Variants in PCED1B observed in about 807,000 individuals in gnomAD.
PCED1B encodes PC-esterase domain-containing protein 1B.
For missense variants in PCED1B, 573 were observed against 573.9 expected, an observed-to-expected ratio of 1.00 and a Z score of 0.02; for synonymous variants, 251 against 246.1, an observed-to-expected ratio of 1.02 and a Z score of -0.19.
Position 47,207,196 on chromosome 12 carries a change from T to C in PCED1B, c.-525-9026T>C, listed in dbSNP as rs147213698. ...AATGCACCAAGAAAATAAAGGACTT[T>C]AGCCTGAAGGTGACAGATGGAGGAC... is the stretch of plus-strand genomic sequence containing the variant. On this transcript the variant is annotated intron_variant, in intron 2 of 3. Transcript: ENST00000546455. 4.5e-4 allele frequency among the ~76,000 whole-genome samples: 69 copies of C among 152,342 alleles called. 1 individual carries two copies. Among genetic ancestry groups the C allele is most frequent in the African/African-American group, 1.5e-3 (63 of 41,592 alleles).
At chr12:47,234,841 C>T (rs1364953194) in intron 3 of PCED1B, among the ~76,000 whole-genome samples, 166 bp from the exon 4 acceptor site, 1 of 152,176 alleles carries the variant, frequency 6.6e-6, no homozygotes, top group Admixed American at 6.5e-5. Flanking sequence ...GCCAATCTCC[C>T]AGGTCCGGGC....
chr12:47,103,005 G>A (rs1250693304), intron 1 of PCED1B, among the ~76,000 whole-genome samples: 1 of 152,018 alleles, frequency 6.6e-6, no homozygotes, highest in Admixed American at 6.5e-5. Flanking sequence ...TGTCTTGTAT[G>A]CTCTCTTATG....
chr12:47,092,926 A>G (rs1042389767), intron 1 of PCED1B, among the ~76,000 whole-genome samples: 2 of 152,076 alleles, frequency 1.3e-5, no homozygotes, highest in East Asian at 1.9e-4. Context: ...AGTAATGTTT[A>G]TGAGAAAGAT....
intron 2 of PCED1B, among the ~76,000 whole-genome samples, chr12:47,104,450 A>G (rs1938856686): frequency 6.6e-6 from 1 of 152,218 alleles, no homozygotes; most frequent in South Asian, 2.1e-4. Context: ...TACTTACAAC[A>G]GTGTCTACCA....
chr12:47,236,257 G>A lies in PCED1B; in HGVS notation c.1194G>A (p.Arg398=), dbSNP rs1311353543. 8.7e-6 allele frequency: 14 copies of A among 1,614,136 alleles called. No homozygotes were observed. The highest frequency in any genetic ancestry group is 1.6e-4 in the Middle Eastern group (1 of 6,062). Reference sequence around the variant, plus strand: ...AGCGGCCTGCCCCAGTGGTACATAGGGGTTTTGGCAGGTATCGTCCCCGTG... The same window carrying A: ...AGCGGCCTGCCCCAGTGGTACATAGAGGTTTTGGCAGGTATCGTCCCCGTG... ...RYQRPAPVVH[R]GFGRYRPRGP... is the part of the protein sequence containing the mutation. Residue 398 remains arginine, a synonymous_variant, in exon 4 of 4, where the codon AGG becomes AGA. Coordinates refer to ENST00000546455, the MANE Select transcript of PCED1B (RefSeq NM_138371.3).
chr12:47,223,028 G>A (rs995940732), intron 3 of PCED1B, among the ~76,000 whole-genome samples: 3 of 152,126 alleles, frequency 2.0e-5, no homozygotes, highest in African/African-American at 7.2e-5. Flanking sequence ...GTGGACACAC[G>A]AGGATAAGAA....
chr12:47,136,103 C>G (rs1297560095), intron 2 of PCED1B, among the ~76,000 whole-genome samples: 7 of 22,600 alleles, frequency 3.1e-4, no homozygotes, highest in Non-Finnish European at 4.8e-4. Context: ...TTTTTTTTGG[C>G]CAATTTGATA....
chr12:47,092,831 C>T (rs1938324190), intron 1 of PCED1B, among the ~76,000 whole-genome samples: 1 of 111,750 alleles, frequency 8.9e-6, no homozygotes, highest in South Asian at 2.8e-4. Flanking sequence ...GAATGGTAAG[C>T]CACACTTGTA....
In PCED1B at chr12:47,236,379, T is replaced by C; in HGVS notation, c.*17T>C. 6.5e-7 allele frequency: 1 copy of C among 1,530,028 alleles called. No individual in the cohort carries two copies. Among genetic ancestry groups the C allele is most frequent in the Middle Eastern group, 1.7e-4 (1 of 5,732 alleles). 94.8% of individuals were successfully genotyped at this position (1,530,028 alleles called of 1,614,324 possible). ...CCTCAATAGACGGACCTAGGCCTTA[T>C]TTCCTCTTTATGAACATGGATTGGA... is the stretch of plus-strand genomic sequence containing the variant. On this transcript the variant is annotated 3_prime_UTR_variant, in exon 4 of 4. Transcript: ENST00000546455.
intron 2 of PCED1B, chr12:47,210,193 T>A (rs1943034920): frequency 6.6e-6 from 1 of 152,254 alleles, no homozygotes; most frequent in Non-Finnish European, 1.5e-5. Context: ...TTCTTTACTG[T>A]TAGCTATTTT....
At chr12:47,133,604 T>C (rs185686172) in intron 2 of PCED1B, among the ~76,000 whole-genome samples, 28 of 152,328 alleles carry the variant, frequency 1.8e-4, no homozygotes, top group African/African-American at 6.7e-4. Flanking sequence ...AAAATCCTGG[T>C]GTGCATTAAA....
intron 3 of PCED1B, among the ~76,000 whole-genome samples, chr12:47,234,589 G>A (rs1051148339): frequency 6.6e-6 from 1 of 152,032 alleles, no homozygotes; most frequent in African/African-American, 2.4e-5. Flanking sequence ...TGCTTACTTG[G>A]GGTCCTCATT....
At chr12:47,227,357 G>A (rs534305981) in intron 3 of PCED1B, among the ~76,000 whole-genome samples, 124 of 152,004 alleles carry the variant, frequency 8.2e-4, no homozygotes, top group African/African-American at 2.2e-3. Context: ...GTCTTGTAGA[G>A]AGGGGGGCTT....
intron 2 of PCED1B, among the ~76,000 whole-genome samples, chr12:47,185,774 C>T (rs1942237810): frequency 7.3e-6 from 1 of 137,792 alleles, no homozygotes; most frequent in Admixed American, 7.3e-5. Flanking sequence ...TGGGCAACAG[C>T]AGAGCTAGAC....
At chr12:47,214,305 T>C (rs1943180721) in intron 2 of PCED1B, among the ~76,000 whole-genome samples, 1 of 152,224 alleles carries the variant, frequency 6.6e-6, no homozygotes, top group Non-Finnish European at 1.5e-5. Flanking sequence ...AAGACAATTA[T>C]GTCACATTAT....
At chr12:47,110,798 T>TTCAG (rs1939159895) in intron 2 of PCED1B, among the ~76,000 whole-genome samples, 1 of 152,220 alleles carries the variant, frequency 6.6e-6, no homozygotes, top group South Asian at 2.1e-4. Context: ...CAGGTGATTA[T>TTCAG]TGATCAGGTT....
rs1376518757 is a variant in PCED1B, at chr12:47,089,477, T to C, written c.-609+9752T>C. ...AAAAAAATACATATATATATATATA[T>C]ATATATATATATATATGTATATACC... On this transcript the variant is annotated intron_variant, in intron 1 of 3. Transcript: ENST00000546455. 2.3e-4 allele frequency among the ~76,000 whole-genome samples: 21 copies of C among 91,366 alleles called. 2 individuals are homozygous for C. The highest frequency in any genetic ancestry group is 3.0e-4 in the Non-Finnish European group (13 of 44,006). The allele number at this position is 91,366 out of a possible 152,430, so 59.9% of individuals were successfully genotyped here. A position where few individuals can be genotyped will look rare whatever the true frequency, so the allele number is the denominator to read the frequency against.
At chr12:47,142,408 C>T (rs1234866580) in intron 2 of PCED1B, among the ~76,000 whole-genome samples, 1 of 152,138 alleles carries the variant, frequency 6.6e-6, no homozygotes, top group African/African-American at 2.4e-5. Context: ...CAAAGCTACA[C>T]AAATCATGAA....
At chr12:47,091,885 G>A (rs897883252) in intron 1 of PCED1B, among the ~76,000 whole-genome samples, 1 of 152,050 alleles carries the variant, frequency 6.6e-6, no homozygotes, top group African/African-American at 2.4e-5. Context: ...TCCCTGTTGT[G>A]TTTCATTGGA....
Sources: gnomAD v4.1 joint callset for allele counts (sites outside exome capture counted in the v4.1 genomes callset) on GRCh38, gnomAD v4.1.1 for gene constraint, MANE v1.5 for transcripts, NCBI Gene and HGNC (gene_info 2026-07-23, HGNC 2026-07-21) for gene names.